Variants in CYP4V2 observed in about 807,000 individuals in gnomAD.
The protein encoded by CYP4V2 is cytochrome P450 4V2.
In CYP4V2, 55 loss-of-function variants were observed where a neutral mutation model predicts 60.8. The ratio of observed to expected loss-of-function variants is 0.90; its 90% CI spans 0.73 to 1.13. The LOEUF (loss-of-function observed/expected upper bound fraction) is 1.13. Among genes scored for constraint, CYP4V2 ranks in the 50% most tolerant of loss-of-function variants. The pLI, the probability that CYP4V2 is intolerant of heterozygous loss-of-function variation, is 0.00. For synonymous variants in CYP4V2, 239 were observed against 236.8 expected, an observed-to-expected ratio of 1.01 and a Z score of -0.08; for missense variants, 675 against 662.9, an observed-to-expected ratio of 1.02 and a Z score of -0.20.
Position 186,210,492 on chromosome 4 carries a change from G to T in CYP4V2, c.1429G>T (p.Glu477Ter), listed in dbSNP as rs1377075548. 1 of 1,614,040 alleles carries T rather than the reference G, an allele frequency of 6.2e-7. No homozygotes were observed. The highest frequency in any genetic ancestry group is 8.5e-7 in the Non-Finnish European group (1 of 1,180,036). The change falls in exon 11 of 11, where the codon GAA becomes TAA. Residue 477 changes from glutamate to a stop codon, truncating the protein, a stop_gained. Transcript: ENST00000378802. LOFTEE classifies it high-confidence loss of function. ...AGGTCAAAAGTTTGCTGTGATGGAA[G>T]AAAAGACCATTCTTTCGTGCATCCT... Reference protein sequence around the residue: ...CIGQKFAVMEEKTILSCILRH... With the variant: ...CIGQKFAVME
In CYP4V2 at chr4:186,201,257, A is replaced by C. The variant is rs140344168; in HGVS notation, c.902A>C (p.Asp301Ala). ...PSKNKRRAFLDLLLSVTDDEG... is the reference protein window; with the variant it reads ...PSKNKRRAFLALLLSVTDDEG... Reference sequence around the variant, plus strand: ...AAAAATAAACGCAGGGCCTTTCTTGACTTGCTTTTAAGTGTGACTGATGAC... The same window carrying C: ...AAAAATAAACGCAGGGCCTTTCTTGCCTTGCTTTTAAGTGTGACTGATGAC... Residue 301 changes from aspartate to alanine, a missense_variant, in exon 7 of 11, where the codon GAC becomes GCC. Transcript: ENST00000378802. 4.3e-5 allele frequency: 70 copies of C among 1,614,142 alleles called. No homozygotes were observed. The African/African-American group carries it at 9.3e-4, about 22-fold the overall frequency.
chr4:186,196,138 C>A, intron 3 of CYP4V2, 50 bp downstream of exon 3: 1 of 1,441,988 alleles, frequency 6.9e-7, no homozygotes, highest in Non-Finnish European at 9.8e-7. Context: ...GTTACTTCTA[C>A]GTGCAACTTG....
intron 8 of CYP4V2, 111 bp downstream of exon 8, chr4:186,205,413 T>G: frequency 9.6e-7 from 1 of 1,039,422 alleles, no homozygotes; most frequent in Admixed American, 1.8e-5. Flanking sequence ...CGGGATCCTT[T>G]CCAGTACCAT....
chr4:186,196,867 T>C, intron 3 of CYP4V2, 73 bp from the exon 4 acceptor site: 1 of 1,488,056 alleles, frequency 6.7e-7, no homozygotes, highest in East Asian at 2.3e-5. Flanking sequence ...TTTAATCGTT[T>C]TGGATGTTAC....
chr4:186,196,713 A>G (rs529659160), intron 3 of CYP4V2: 2 of 538,528 alleles, frequency 3.7e-6, no homozygotes, highest in East Asian at 3.1e-5. Context: ...CATGTATAGA[A>G]CAATGTCCAA....
intron 7 of CYP4V2, chr4:186,203,716 C>G (rs548636076): frequency 6.6e-6 from 1 of 152,228 alleles, no homozygotes; most frequent in African/African-American, 2.4e-5. Context: ...CTGAGCACAA[C>G]GGGCCGGAGC....
At position 186,191,880 on chromosome 4, in the gene CYP4V2, G is replaced by T; in HGVS notation, c.57G>T (p.Ala19=). The T allele has an allele frequency of 3.8e-6, 6 of 1,589,254 alleles. No homozygotes were observed. Among genetic ancestry groups the T allele is most frequent in the Non-Finnish European group, 4.3e-6 (5 of 1,172,372 alleles). The change falls in exon 1 of 11, where the codon GCG becomes GCT. Residue 19 remains alanine, a synonymous_variant. Transcript: ENST00000378802. ...VWQKLLLWGA[A]SALSLAGASL... ...AGAAGCTGCTGCTGTGGGGCGCGGC[G>T]AGTGCCCTTTCCCTGGCCGGCGCCA...
intron 1 of CYP4V2, among the ~76,000 whole-genome samples, chr4:186,194,074 T>C (rs1736070951): frequency 6.6e-6 from 1 of 152,156 alleles, no homozygotes; most frequent in Admixed American, 6.5e-5. Flanking sequence ...CCAGCTCCCT[T>C]CATAGCAATT....
At chr4:186,204,923 C>G (rs7667777) in intron 7 of CYP4V2, 164,615 of 479,234 alleles carry the variant, frequency 0.34, 30,890 homozygotes, top group Non-Finnish European at 0.41. Flanking sequence ...TCACCTCGTG[C>G]CCATGGAACG....
In CYP4V2 at chr4:186,196,051, T is replaced by A. The variant is rs1736138466; in HGVS notation, c.376T>A (p.Phe126Ile). ...KQIDKSSMYK[F>I]LEPWLGLGLL... Reference sequence around the variant, plus strand: ...AATTGACAAATCCTCTATGTACAAGTTTTTAGAACCATGGCTTGGCCTAGG... The same window carrying A: ...AATTGACAAATCCTCTATGTACAAGATTTTAGAACCATGGCTTGGCCTAGG... The change falls in exon 3 of 11, where the codon TTT becomes ATT. Residue 126 changes from phenylalanine to isoleucine, a missense_variant. Physicochemically the swap from Phe to Ile is conservative, Grantham distance 21. Transcript: ENST00000378802. 6.2e-7 allele frequency: 1 copy of A among 1,614,068 alleles called. No homozygotes were observed. The highest frequency in any genetic ancestry group is 8.5e-7 in the Non-Finnish European group (1 of 1,179,926).
intron 6 of CYP4V2, 135 bp downstream of exon 6, chr4:186,199,218 C>A: frequency 1.0e-6 from 1 of 973,978 alleles, no homozygotes; most frequent in Non-Finnish European, 1.6e-6. Context: ...CGTTCATTTC[C>A]AGAACTTTTG....
intron 1 of CYP4V2, chr4:186,192,339 G>C (rs571002005): frequency 1.6e-6 from 1 of 619,098 alleles, no homozygotes; most frequent in East Asian, 3.2e-5. Context: ...GTTTCCTCCT[G>C]CCTTGGCTTG....
intron 10 of CYP4V2, among the ~76,000 whole-genome samples, chr4:186,210,054 C>T (rs1171774626): frequency 1.3e-5 from 2 of 152,302 alleles, no homozygotes; most frequent in African/African-American, 4.8e-5. Context: ...GCATTATAAA[C>T]CCTTTTGGTT....
chr4:186,203,852 G>T (rs963546179), intron 7 of CYP4V2: 8 of 152,292 alleles, frequency 5.3e-5, no homozygotes, highest in Admixed American at 4.6e-4. Context: ...TTCATTTTAG[G>T]AGCTGTTTTA....
chr4:186,202,372 A>C (rs1736329701), intron 7 of CYP4V2: 1 of 152,150 alleles, frequency 6.6e-6, no homozygotes, highest in Non-Finnish European at 1.5e-5. Context: ...ACATGCTGGG[A>C]CCATGACCTC....
At position 186,191,807 on chromosome 4, in the gene CYP4V2, G is replaced by A. The variant is rs1255520708; in HGVS notation, c.-17G>A. On this transcript the variant is annotated 5_prime_UTR_variant, in exon 1 of 11. Coordinates refer to ENST00000378802, the MANE Select transcript of CYP4V2 (RefSeq NM_207352.4). Reference sequence around the variant, plus strand: ...CGCACTTTCCCGGAGTGCACCCCGCGGCCGCCAGCCGGGGCGATGGCGGGG... The same window carrying A: ...CGCACTTTCCCGGAGTGCACCCCGCAGCCGCCAGCCGGGGCGATGGCGGGG... 15 of 1,529,666 alleles carry A rather than the reference G, an allele frequency of 9.8e-6. No homozygotes were observed. Among genetic ancestry groups the A allele is most frequent in the Admixed American group, 7.8e-5 (4 of 51,040 alleles). The allele number at this position is 1,529,666 out of a possible 1,614,324, so 94.8% of individuals were successfully genotyped here.
intron 1 of CYP4V2, among the ~76,000 whole-genome samples, chr4:186,193,481 C>G (rs1402419825): frequency 6.6e-6 from 1 of 152,112 alleles, no homozygotes; most frequent in Non-Finnish European, 1.5e-5. Flanking sequence ...TCAGGAAAAC[C>G]ACTGTTCAAT....
chr4:186,207,038 C>T (rs895489833), intron 8 of CYP4V2, among the ~76,000 whole-genome samples: 3 of 152,088 alleles, frequency 2.0e-5, no homozygotes, highest in African/African-American at 7.2e-5. Flanking sequence ...TTACTAGAAG[C>T]TTTGCTCTGT....
In CYP4V2 at chr4:186,208,882, G is replaced by A. The variant is rs182965036; in HGVS notation, c.1108G>A (p.Ala370Thr). ...TTCATCAGGGAAGTCTGACCGTCCC[G>A]CTACAGTAGAAGACCTGAAGAAACT... ...DDVFGKSDRP[A>T]TVEDLKKLRY... Residue 370 changes from alanine (A) to threonine (T), a missense_variant, in exon 9 of 11, where the codon GCT (alanine) becomes ACT (threonine). Physicochemically the swap from Ala to Thr is moderately conservative, Grantham distance 58. Transcript: ENST00000378802. 26 of 1,614,180 alleles carry A rather than the reference G, an allele frequency of 1.6e-5. No individual in the cohort carries two copies. The highest frequency in any genetic ancestry group is 1.0e-4 in the Admixed American group (6 of 60,018).
Sources: gnomAD v4.1 joint callset for allele counts (sites outside exome capture counted in the v4.1 genomes callset) on GRCh38, gnomAD v4.1.1 for gene constraint, MANE v1.5 for transcripts, NCBI Gene and HGNC (gene_info 2026-07-23, HGNC 2026-07-21) for gene names.